COP1: variants seen among roughly 807,000 people sequenced by gnomAD.
The protein encoded by COP1 is COP1 E3 ubiquitin ligase, also known as E3 ubiquitin-protein ligase COP1.
COP1 carries 24 observed loss-of-function variants against 101.3 expected under a neutral mutation model. The observed-to-expected ratio is 0.24, with a 90% confidence interval of 0.17 to 0.33. The LOEUF is 0.33. Ranked by LOEUF, COP1 falls within the 10% of genes least tolerant of loss-of-function variation. COP1 has a pLI of 1.00. For synonymous variants in COP1, 347 were observed against 341.9 expected (o/e 1.01, Z -0.17); for missense variants, 663 against 906.2 (o/e 0.73, Z 3.45).
Position 175,995,286 on chromosome 1 carries a change from C to G in COP1, c.1730-5807G>C, listed in dbSNP as rs141157200. Among the ~76,000 whole-genome samples, 925 of 152,092 alleles carry G rather than the reference C, an allele frequency of 6.1e-3. 12 individuals carry two copies. The highest frequency in any genetic ancestry group is 0.021 in the African/African-American group (886 of 41,474). On this transcript the variant is annotated intron_variant, in intron 15 of 19. Coordinates refer to ENST00000367669, the MANE Select transcript of COP1 (RefSeq NM_022457.7). ...TTTATAGCACTAAATGCTCACAAGA[C>G]AAAGCAGGAAAGATCCAAAATTGAC... is the stretch of plus-strand genomic sequence containing the variant.
chr1:175,953,757 C>A (rs1484564968), intron 18 of COP1, among the ~76,000 whole-genome samples: 9 of 133,984 alleles, frequency 6.7e-5, no homozygotes, highest in Admixed American at 7.5e-5. Context: ...AAATAAGGGT[C>A]AACTTATAAA....
intron 11 of COP1, among the ~76,000 whole-genome samples, chr1:176,069,990 C>CAA (rs1385999935): frequency 6.6e-6 from 1 of 152,148 alleles, no homozygotes; most frequent in Non-Finnish European, 1.5e-5. Flanking sequence ...ACTATGGTGT[C>CAA]AATTACTAGC....
At chr1:176,178,887 A>G (rs1697344824) in intron 2 of COP1, among the ~76,000 whole-genome samples, 1 of 151,846 alleles carries the variant, frequency 6.6e-6, no homozygotes. Flanking sequence ...GGTAAGAGAC[A>G]TGCCGGGCTG....
intron 18 of COP1, among the ~76,000 whole-genome samples, chr1:175,951,504 T>A (rs1649915348): frequency 6.9e-6 from 1 of 144,516 alleles, no homozygotes; most frequent in Admixed American, 7.0e-5. Flanking sequence ...ACAGACTAAA[T>A]TTGTTTTCCT....
chr1:176,030,372 T>C lies in COP1; in HGVS notation c.1613-2684A>G, dbSNP rs574181488. ...TCTAACAGCCTAGGCCCAAAGGTAATTCACAATAGATAAGTATGGAGCACT... is the reference window on the plus strand; with the variant it reads ...TCTAACAGCCTAGGCCCAAAGGTAACTCACAATAGATAAGTATGGAGCACT... On this transcript the variant is annotated intron_variant, in intron 14 of 19. Coordinates refer to ENST00000367669, the MANE Select transcript of COP1 (RefSeq NM_022457.7). 1.1e-4 allele frequency among the ~76,000 whole-genome samples: 17 copies of C among 152,226 alleles called. No individual in the cohort carries two copies. In the East Asian group the frequency reaches 2.9e-3, roughly 26 times the overall value.
intron 9 of COP1, 85 bp downstream of exon 9, chr1:176,116,539 G>T: frequency 1.8e-6 from 2 of 1,105,294 alleles, no homozygotes; most frequent in South Asian, 2.7e-5. Context: ...TTTGTGACAG[G>T]ACATTTTAGT....
At chr1:176,073,532 C>T (rs187743190) in intron 11 of COP1, among the ~76,000 whole-genome samples, 5 of 152,240 alleles carry the variant, frequency 3.3e-5, no homozygotes, top group Admixed American at 2.6e-4. Context: ...CACTGAACAC[C>T]TAATAGAATA....
At chr1:176,151,584 C>T (rs1047839446) in intron 5 of COP1, among the ~76,000 whole-genome samples, 2 of 152,062 alleles carry the variant, frequency 1.3e-5, no homozygotes, top group African/African-American at 4.8e-5. Flanking sequence ...TCTTTATTTT[C>T]CTACCCTTCT....
At chr1:176,037,392 G>A (rs8179475) in intron 14 of COP1, among the ~76,000 whole-genome samples, 1 of 148,812 alleles carries the variant, frequency 6.7e-6, no homozygotes. Flanking sequence ...GGGCGACAGA[G>A]CAAGACTCCG....
At chr1:176,057,945 C>A (rs1415977378) in intron 11 of COP1, among the ~76,000 whole-genome samples, 5 of 151,910 alleles carry the variant, frequency 3.3e-5, no homozygotes, top group Non-Finnish European at 5.9e-5. Context: ...CTCTGCCCCG[C>A]CGCCCCTTCT....
intron 15 of COP1, among the ~76,000 whole-genome samples, chr1:176,012,238 A>T (rs1019333464): frequency 6.6e-6 from 1 of 152,186 alleles, no homozygotes; most frequent in African/African-American, 2.4e-5. Context: ...GGCTCAGGTG[A>T]ATTTCCCACC....
At chr1:176,184,749 G>A in intron 1 of COP1, 57 bp from the exon 2 acceptor site, 2 of 1,239,244 alleles carry the variant, frequency 1.6e-6, no homozygotes, top group Non-Finnish European at 2.3e-6. Context: ...ATTACAAATT[G>A]GAAAAGACTA....
At chr1:176,114,798 G>A (rs577532666) in intron 9 of COP1, among the ~76,000 whole-genome samples, 1 of 152,008 alleles carries the variant, frequency 6.6e-6, no homozygotes, top group East Asian at 1.9e-4. Flanking sequence ...ATGTTGCCCA[G>A]GCTATATTAG....
chr1:176,010,562 T>G (rs998495101), intron 15 of COP1, among the ~76,000 whole-genome samples: 3 of 152,210 alleles, frequency 2.0e-5, no homozygotes, highest in Non-Finnish European at 4.4e-5. Context: ...AATTAAATGT[T>G]TTTGGCACAA....
chr1:176,183,015 A>G (rs1455660023), intron 2 of COP1, among the ~76,000 whole-genome samples: 1 of 152,220 alleles, frequency 6.6e-6, no homozygotes, highest in East Asian at 1.9e-4. Flanking sequence ...CTTCCTGTAC[A>G]ATGACTGGTT....
intron 18 of COP1, among the ~76,000 whole-genome samples, chr1:175,954,204 G>A (rs1650321863): frequency 6.6e-6 from 1 of 152,122 alleles, no homozygotes; most frequent in Admixed American, 6.6e-5. Flanking sequence ...CCCAGGGATG[G>A]AAATGAGAAA....
At chr1:176,168,614 G>T in intron 3 of COP1, 1 of 203,826 alleles carries the variant, frequency 4.9e-6, no homozygotes, top group South Asian at 5.2e-5. Flanking sequence ...AGTATATAGG[G>T]AGTGGTAATG....
At chr1:176,113,332 T>C (rs746234797) in intron 9 of COP1, among the ~76,000 whole-genome samples, 6 of 152,366 alleles carry the variant, frequency 3.9e-5, no homozygotes, top group Non-Finnish European at 7.4e-5. Context: ...TATTGACCAC[T>C]TGTATATCTT....
At chr1:175,971,036 G>A (rs1653134227) in intron 18 of COP1, among the ~76,000 whole-genome samples, 2 of 152,112 alleles carry the variant, frequency 1.3e-5, no homozygotes, top group Non-Finnish European at 2.9e-5. Flanking sequence ...AAGCAGAAAC[G>A]AAAACAAAGA....
Sources: allele counts gnomAD v4.1 joint callset (sites outside exome capture counted in the v4.1 genomes callset), GRCh38; gene constraint gnomAD v4.1.1; transcripts MANE v1.5; gene names NCBI Gene and HGNC (gene_info 2026-07-23, HGNC 2026-07-21).